Variants in ARHGAP27 observed in about 807,000 individuals in gnomAD.
The protein encoded by ARHGAP27 is Rho GTPase activating protein 27, also known as rho GTPase-activating protein 27.
In ARHGAP27, 53 loss-of-function variants were observed where a neutral mutation model predicts 102.0. The observed-to-expected ratio is 0.52, with a 90% CI of 0.42 to 0.65. The LOEUF (loss-of-function observed/expected upper bound fraction) is 0.65, where lower values mean the gene tolerates loss of function less well. Ranked by LOEUF, ARHGAP27 falls within the 30% of genes least tolerant of loss-of-function variation. The pLI, the probability that ARHGAP27 is intolerant of heterozygous loss-of-function variation, is 0.00. For missense variants in ARHGAP27, 1,117 were observed against 1,256.2 expected, an observed-to-expected ratio of 0.89 and a Z score of 1.68; for synonymous variants, 525 against 542.8, an observed-to-expected ratio of 0.97 and a Z score of 0.46.
chr17:45,419,557 T>TA (rs1485981809), intron 4 of ARHGAP27, among the ~76,000 whole-genome samples: 2 of 123,750 alleles, frequency 1.6e-5, no homozygotes, highest in East Asian at 4.6e-4. Flanking sequence ...TATATATATA[T>TA]GACTTTGTAA....
intron 4 of ARHGAP27, among the ~76,000 whole-genome samples, chr17:45,428,042 C>T (rs1275682347): frequency 6.6e-6 from 1 of 152,228 alleles, no homozygotes; most frequent in African/African-American, 2.4e-5. Flanking sequence ...CGCACCTCTG[C>T]GCTTCTCAAC....
chr17:45,417,982 A>G lies in ARHGAP27; in HGVS notation c.657+11641T>C, dbSNP rs1303105505. 3.3e-5 allele frequency among the ~76,000 whole-genome samples: 5 copies of G among 150,790 alleles called. No individual in the cohort carries two copies. The East Asian group carries it at 5.8e-4, about 18-fold the overall frequency. ...GGCAGGAGAATGGCGTGAACTCGGG[A>G]GCGGAGATCGTGCCACTGCACTCCA... On this transcript the variant is annotated intron_variant, in intron 4 of 19. Coordinates refer to ENST00000685559, the MANE Select transcript of ARHGAP27 (RefSeq NM_001282290.2).
chr17:45,412,489 A>G (rs2048024778), intron 4 of ARHGAP27, among the ~76,000 whole-genome samples: 2 of 152,204 alleles, frequency 1.3e-5, no homozygotes, highest in African/African-American at 4.8e-5. Flanking sequence ...CTCTGGGGCT[A>G]GAGGCAAAAT....
intron 4 of ARHGAP27, among the ~76,000 whole-genome samples, chr17:45,412,415 C>T (rs73305441): frequency 0.037 from 5,563 of 152,342 alleles, 348 homozygotes; most frequent in African/African-American, 0.13. Flanking sequence ...TGACCTCACT[C>T]TTCCCTCCCA....
In ARHGAP27 at chr17:45,395,315, A is replaced by C. The variant is rs1431007032; in HGVS notation, c.*141T>G. Reference sequence around the variant, plus strand: ...CCACTAGGGGTCACCGTACCCTCAGAACCGAGGGTGCAGAAGTCACACCGG... The same window carrying C: ...CCACTAGGGGTCACCGTACCCTCAGCACCGAGGGTGCAGAAGTCACACCGG... On this transcript the variant is annotated 3_prime_UTR_variant, in exon 20 of 20. Transcript: ENST00000685559. 9.1e-7 allele frequency: 1 copy of C among 1,102,656 alleles called. No individual in the cohort carries two copies. Among genetic ancestry groups the C allele is most frequent in the Non-Finnish European group, 1.3e-6 (1 of 794,088 alleles). 68.3% of individuals were successfully genotyped at this position (1,102,656 alleles called of 1,614,324 possible). A position where few individuals can be genotyped will look rare whatever the true frequency, so the allele number is the denominator to read the frequency against.
rs778688544 is a variant in ARHGAP27, at chr17:45,404,438, C to T, written c.1413+7G>A. On this transcript the variant is annotated splice_region_variant and intron_variant, in intron 8 of 19. Coordinates refer to ENST00000685559, the MANE Select transcript of ARHGAP27 (RefSeq NM_001282290.2). ...TCCTGCCAGGACCTCAATGGCTCCT[C>T]CCCTACCTTCTCCTCTGGAGGGCTG... 6 of 1,614,098 alleles carry T rather than the reference C, an allele frequency of 3.7e-6. No homozygotes were observed. In the South Asian group the frequency reaches 4.4e-5, roughly 12 times the overall value.
Position 45,427,398 on chromosome 17 carries a change from G to A in ARHGAP27, c.657+2225C>T, listed in dbSNP as rs550092868. On this transcript the variant is annotated intron_variant, in intron 4 of 19. Coordinates refer to ENST00000685559, the MANE Select transcript of ARHGAP27 (RefSeq NM_001282290.2). The surrounding 1 kb of genome is among the most constrained non-coding windows in gnomAD (Gnocchi z 4.5). ...TTGCTGGCCTCCTATCCAAGAGGGT[G>A]AGTCCCCCAGGATCGTGGCTGTGCC... Among the ~76,000 whole-genome samples, 1 of 152,378 alleles carries A rather than the reference G, an allele frequency of 6.6e-6. No individual in the cohort carries two copies. The highest frequency in any genetic ancestry group is 2.1e-4 in the South Asian group (1 of 4,832).
Position 45,397,860 on chromosome 17 carries a change from C to A in ARHGAP27, c.1842+89G>T, listed in dbSNP as rs907339954. On this transcript the variant is annotated intron_variant, in intron 13 of 19. Transcript: ENST00000685559. ...ACTGCATTTGCATTACCCACTGGTA[C>A]CTTAGAGCTCCCTGAGCCTGAGCAG... 6.7e-6 allele frequency: 8 copies of A among 1,193,886 alleles called. No homozygotes were observed. The East Asian group carries it at 1.2e-4, about 18-fold the overall frequency. 74.0% of individuals were successfully genotyped at this position (1,193,886 alleles called of 1,614,324 possible).
intron 4 of ARHGAP27, among the ~76,000 whole-genome samples, chr17:45,426,750 G>C (rs1392143577): frequency 6.6e-6 from 1 of 152,066 alleles, no homozygotes; most frequent in Non-Finnish European, 1.5e-5. Flanking sequence ...TGGCCACACT[G>C]TGTCTCTCTC....
In ARHGAP27 at chr17:45,411,795, T is replaced by TCACA. The variant is rs3068161; in HGVS notation, c.658-5716_658-5713dup. Among the ~76,000 whole-genome samples the TCACA allele has an allele frequency of 3.8e-3, 570 of 149,134 alleles. 2 individuals carry two copies. The highest frequency in any genetic ancestry group is 0.011 in the African/African-American group (441 of 40,684). On this transcript the variant is annotated intron_variant, in intron 4 of 19. Coordinates refer to ENST00000685559, the MANE Select transcript of ARHGAP27 (RefSeq NM_001282290.2). Reference sequence around the variant, plus strand: ...CCACCCTGAGGCCAGGGATGAGGACTCACACACACACACACACACACACAC... The same window carrying TCACA: ...CCACCCTGAGGCCAGGGATGAGGACTCACACACACACACACACACACACACACAC...
At position 45,427,234 on chromosome 17, in the gene ARHGAP27, A is replaced by G. The variant is rs1173432276; in HGVS notation, c.657+2389T>C. On this transcript the variant is annotated intron_variant, in intron 4 of 19. Transcript: ENST00000685559. The surrounding 1 kb of genome is among the most constrained non-coding windows in gnomAD (Gnocchi z 4.5). ...CCACAGGGATTTTTTTCTCAATCCCATTCCTGTCTCTGCTAAAAGCCTCAC... is the reference window on the plus strand; with the variant it reads ...CCACAGGGATTTTTTTCTCAATCCCGTTCCTGTCTCTGCTAAAAGCCTCAC... 6.6e-6 allele frequency among the ~76,000 whole-genome samples: 1 copy of G among 151,440 alleles called. No individual in the cohort carries two copies. Among genetic ancestry groups the G allele is most frequent in the African/African-American group, 2.4e-5 (1 of 41,118 alleles).
rs36233058 is a variant in ARHGAP27, at chr17:45,412,962, C to CTTTTT, written c.658-6884_658-6880dup. 9.7e-5 allele frequency among the ~76,000 whole-genome samples: 4 copies of CTTTTT among 41,142 alleles called. 1 individual carries two copies. The highest frequency in any genetic ancestry group is 1.3e-4 in the Non-Finnish European group (3 of 23,114). 27.0% of individuals were successfully genotyped at this position (41,142 alleles called of 152,430 possible). A position where few individuals can be genotyped will look rare whatever the true frequency, so the allele number is the denominator to read the frequency against. ...GTGTGGCACCACGGCTCAGTATAAT[C>CTTTTT]TTTTTTTTTTTTTTTTTTTTTTTTT... is the stretch of plus-strand genomic sequence containing the variant. On this transcript the variant is annotated intron_variant, in intron 4 of 19. Coordinates refer to ENST00000685559, the MANE Select transcript of ARHGAP27 (RefSeq NM_001282290.2).
At chr17:45,410,108 G>A in intron 4 of ARHGAP27, 2 of 1,237,472 alleles carry the variant, frequency 1.6e-6, no homozygotes, top group Non-Finnish European at 2.2e-6. Flanking sequence ...GAGAAGGAAA[G>A]AGAAAAGGAA....
intron 4 of ARHGAP27, among the ~76,000 whole-genome samples, chr17:45,423,266 A>C (rs2049222216): frequency 6.6e-6 from 1 of 152,216 alleles, no homozygotes; most frequent in Admixed American, 6.5e-5. Flanking sequence ...GTCACAAAGA[A>C]ATTCATAATA....
intron 4 of ARHGAP27, among the ~76,000 whole-genome samples, chr17:45,417,186 G>A (rs1220842428): frequency 6.6e-6 from 1 of 151,538 alleles, no homozygotes; most frequent in African/African-American, 2.4e-5. Context: ...ATTTTTGGCT[G>A]GGCGTGGTGG....
In ARHGAP27 at chr17:45,404,952, A is replaced by G. The variant is rs1171799329; in HGVS notation, c.1220T>C (p.Leu407Pro). ...CTCCTGAGTGAAGTGGTTGGTGTAG[A>G]GCATCTGCTTGTCCTGGCTGACATG... is the stretch of plus-strand genomic sequence containing the variant. Reference protein sequence around the residue: ...SCHVSQDKQMLYTNHFTQEQW... With the variant: ...SCHVSQDKQMPYTNHFTQEQW... Residue 407 changes from leucine to proline, a missense_variant, in exon 6 of 20, where the codon CTC becomes CCC. This residue lies in a region of ARHGAP27 where 610 missense variants were observed against 716.4 expected (regional missense o/e 0.85). Transcript: ENST00000685559. The G allele has an allele frequency of 6.2e-7, 1 of 1,613,926 alleles. No homozygotes were observed. The highest frequency in any genetic ancestry group is 8.5e-7 in the Non-Finnish European group (1 of 1,180,008).
At position 45,396,694 on chromosome 17, in the gene ARHGAP27, G is replaced by A. The variant is rs770853670; in HGVS notation, c.2048C>T (p.Ser683Leu). Reference sequence around the variant, plus strand: ...TTTGATGTAGCCCTTCTCCCGCAGCGACTGCAGTGTGGGCCGCCTCTGGAG... The same window carrying A: ...TTTGATGTAGCCCTTCTCCCGCAGCAACTGCAGTGTGGGCCGCCTCTGGAG... ...KFLQRRPTLQ[S>L]LREKGYIKDQ... Residue 683 changes from serine (S) to leucine (L), a missense_variant, in exon 15 of 20, where the codon TCG becomes TTG. Physicochemically the swap from Ser to Leu is moderately radical, Grantham distance 145. Transcript: ENST00000685559. 4 of 1,613,808 alleles carry A rather than the reference G, an allele frequency of 2.5e-6. No individual in the cohort carries two copies. In the South Asian group the frequency reaches 4.4e-5, roughly 18 times the overall value.
intron 12 of ARHGAP27, among the ~76,000 whole-genome samples, chr17:45,402,208 C>G (rs1199335471): frequency 6.6e-6 from 1 of 152,128 alleles, no homozygotes; most frequent in Non-Finnish European, 1.5e-5. Context: ...GGTTTCCCAA[C>G]CAGGCCTGTC....
intron 18 of ARHGAP27, 54 bp from the exon 19 acceptor site, chr17:45,395,903 C>G (rs546126035): frequency 1.3e-6 from 2 of 1,569,848 alleles, no homozygotes; most frequent in South Asian, 1.2e-5. Flanking sequence ...TAGGGGGTAT[C>G]GGCTGGGCGA....
Sources: gnomAD v4.1 joint callset for allele counts (sites outside exome capture counted in the v4.1 genomes callset) on GRCh38, gnomAD v4.1.1 for gene constraint, gnomAD v4.1.1 regional missense constraint, Gnocchi (gnomAD v3.1) non-coding constraint, MANE v1.5 for transcripts, NCBI Gene and HGNC (gene_info 2026-07-23, HGNC 2026-07-21) for gene names.